USH1C: variants seen among roughly 807,000 people sequenced by gnomAD.
USH1C encodes USH1 protein network component harmonin.
A neutral mutation model predicts 119.3 loss-of-function variants in USH1C; 90 were observed. That is an observed-to-expected ratio of 0.75 (90% CI 0.64 to 0.90). The LOEUF (loss-of-function observed/expected upper bound fraction) is 0.90. Ranked by LOEUF, USH1C falls within the 40% of genes least tolerant of loss-of-function variation. USH1C has a pLI of 0.00. For missense variants in USH1C, 1,165 were observed against 1,167.7 expected (o/e 1.00, Z 0.03); for synonymous variants, 465 against 443.3 (o/e 1.05, Z -0.62).
intron 15 of USH1C, among the ~76,000 whole-genome samples, chr11:17,515,786 CTCTGTCCCAACCTGAGGCAG>C (rs771172456): frequency 6.6e-6 from 1 of 152,192 alleles, no homozygotes; most frequent in Non-Finnish European, 1.5e-5. Context: ...TGGAGTGGGT[CTCTGTCCCAACCTGAGGCAG>C]CAAATCCCCA....
chr11:17,534,613 G>C (rs1183576206), intron 1 of USH1C, among the ~76,000 whole-genome samples: 3 of 152,182 alleles, frequency 2.0e-5, no homozygotes, highest in Admixed American at 2.0e-4. Flanking sequence ...GGTGGCTCAC[G>C]CCTATAATCC....
At chr11:17,496,966 T>C in intron 24 of USH1C, 153 bp from the exon 25 acceptor site, 1 of 786,954 alleles carries the variant, frequency 1.3e-6, no homozygotes. Context: ...GTGACTTCCA[T>C]GGTCTGAGGA....
intron 4 of USH1C, among the ~76,000 whole-genome samples, chr11:17,527,842 C>A (rs1292609539): frequency 6.6e-6 from 1 of 152,154 alleles, no homozygotes; most frequent in Non-Finnish European, 1.5e-5. Context: ...AAGCTCACAT[C>A]ACCAACACAC....
At chr11:17,534,360 C>A (rs1332671500) in intron 1 of USH1C, among the ~76,000 whole-genome samples, 5 of 152,218 alleles carry the variant, frequency 3.3e-5, no homozygotes, top group African/African-American at 1.2e-4. Context: ...CATGCTGGGC[C>A]CAGCCCTTGG....
chr11:17,495,642 T>A lies in USH1C; in HGVS notation c.2582A>T (p.Gln861Leu). The change falls in exon 26 of 27, where the codon CAA becomes CTA. Residue 861 changes from glutamine to leucine, a missense_variant. Gln to Leu is a moderately radical substitution (Grantham distance 113). Coordinates refer to ENST00000005226, the MANE Select transcript of USH1C (RefSeq NM_153676.4). ...SLPSSVAESP[Q>L]PVRKLLEDRA... ...GTCTTCAAGGAGCTTTCGGACCGGT[T>A]GGGGGCTTTCAGCTACGGAGGAGGG... is the stretch of plus-strand genomic sequence containing the variant. 1 of 1,614,154 alleles carries A rather than the reference T, an allele frequency of 6.2e-7. No individual in the cohort carries two copies. The highest frequency in any genetic ancestry group is 8.5e-7 in the Non-Finnish European group (1 of 1,180,028).
chr11:17,517,817 C>A (rs1056360468), intron 14 of USH1C, among the ~76,000 whole-genome samples: 1 of 152,170 alleles, frequency 6.6e-6, no homozygotes, highest in African/African-American at 2.4e-5. Flanking sequence ...GAGAATCGCA[C>A]ACGTTTGAGG....
In USH1C at chr11:17,522,786, C is replaced by A. The variant is rs761886944; in HGVS notation, c.1017G>T (p.Arg339=). Residue 339 remains arginine (R), a splice_region_variant and synonymous_variant, in exon 12 of 27, where the codon CGG becomes CGT. Transcript: ENST00000005226. ...CATCCAGGGCTGGCTGCACTCACTG[C>A]CGCTCCATCTCCTGCTGCTCCTGGA... ...KILQEQQEME[R]QRRKEIAQKA... 6.2e-6 allele frequency: 10 copies of A among 1,613,922 alleles called. No individual in the cohort carries two copies.
intron 25 of USH1C, among the ~76,000 whole-genome samples, chr11:17,496,418 C>A (rs1358506623): frequency 6.6e-6 from 1 of 152,206 alleles, no homozygotes; most frequent in African/African-American, 2.4e-5. Context: ...CACCTTCTAA[C>A]CATCTAATAA....
intron 22 of USH1C, 128 bp downstream of exon 22, chr11:17,501,354 G>A (rs1849437128): frequency 3.4e-6 from 4 of 1,188,326 alleles, no homozygotes; most frequent in Non-Finnish European, 4.9e-6. Context: ...CTCCGTGGGA[G>A]AGGGGAGGAC....
At chr11:17,530,135 G>A (rs546833127) in intron 4 of USH1C, among the ~76,000 whole-genome samples, 115 of 152,308 alleles carry the variant, frequency 7.6e-4, no homozygotes, top group Non-Finnish European at 1.3e-3. Flanking sequence ...TGTACCATTA[G>A]CCTTCGAGCC....
chr11:17,524,425 A>G (rs1396251722), intron 9 of USH1C, 26 bp downstream of exon 9: 2 of 1,557,956 alleles, frequency 1.3e-6, no homozygotes, highest in Non-Finnish European at 1.7e-6. Flanking sequence ...GTGGGCCCCC[A>G]CTGGGGCCGG....
chr11:17,509,214 C>T, intron 18 of USH1C, 142 bp downstream of exon 18: 1 of 1,204,204 alleles, frequency 8.3e-7, no homozygotes, highest in South Asian at 1.8e-5. Flanking sequence ...CACACATGCA[C>T]ACGGAGGGGG....
In USH1C at chr11:17,531,126, C is replaced by T. The variant is rs374307217; in HGVS notation, c.387+28G>A. 11 of 1,613,682 alleles carry T rather than the reference C, an allele frequency of 6.8e-6. No individual in the cohort carries two copies. The highest frequency in any genetic ancestry group is 9.3e-6 in the Non-Finnish European group (11 of 1,179,956). ...AGGCAGGAGGTCCGAGGCCCTCGCT[C>T]CCCCTCCCCCGGACTCTGTTTGCTC... On this transcript the variant is annotated intron_variant, in intron 4 of 26. Coordinates refer to ENST00000005226, the MANE Select transcript of USH1C (RefSeq NM_153676.4). The surrounding 1 kb of genome is among the most constrained non-coding windows in gnomAD (Gnocchi z 4.2).
intron 1 of USH1C, 62 bp downstream of exon 1, chr11:17,544,210 C>T: frequency 6.2e-7 from 1 of 1,609,392 alleles, no homozygotes; most frequent in Non-Finnish European, 8.5e-7. Flanking sequence ...GGTGTCCACC[C>T]CCTACCCACC....
At chr11:17,533,609 C>T (rs1164196469) in intron 1 of USH1C, 2 of 571,868 alleles carry the variant, frequency 3.5e-6, no homozygotes, top group Admixed American at 2.2e-5. Flanking sequence ...GATGAACACA[C>T]ATAGGTACAT....
At chr11:17,522,656 G>C (rs1460490077) in intron 12 of USH1C, 128 bp downstream of exon 12, 1 of 1,407,066 alleles carries the variant, frequency 7.1e-7, no homozygotes, top group East Asian at 2.3e-5. Flanking sequence ...AACTCATCTG[G>C]TCTGAGGACT....
chr11:17,497,454 G>A (rs552483450), intron 24 of USH1C, among the ~76,000 whole-genome samples: 10 of 152,308 alleles, frequency 6.6e-5, no homozygotes, highest in African/African-American at 2.4e-4. Context: ...GAATCAGAGA[G>A]AACACTTCTG....
chr11:17,510,373 G>C, intron 17 of USH1C, 32 bp downstream of exon 17: 1 of 1,559,104 alleles, frequency 6.4e-7, no homozygotes, highest in Non-Finnish European at 8.8e-7. Flanking sequence ...AAGACAGCAG[G>C]AGGGTCTATG....
chr11:17,526,326 C>G (rs1469513251), intron 8 of USH1C, 21 bp downstream of exon 8: 2 of 1,607,104 alleles, frequency 1.2e-6, no homozygotes, highest in East Asian at 2.2e-5. Context: ...CGAATGACCC[C>G]AGGGCATGCC....
Sources: gnomAD v4.1 joint callset for allele counts (sites outside exome capture counted in the v4.1 genomes callset) on GRCh38, gnomAD v4.1.1 for gene constraint, Gnocchi (gnomAD v3.1) non-coding constraint, MANE v1.5 for transcripts, NCBI Gene and HGNC (gene_info 2026-07-23, HGNC 2026-07-21) for gene names.